CDH20: variants seen among roughly 807,000 people sequenced by gnomAD.
CDH20 encodes cadherin-20.
Under a neutral mutation model 74.2 loss-of-function variants are expected in CDH20, and 29 were observed. That is an observed-to-expected ratio of 0.39 (90% CI 0.29 to 0.53). CDH20 has a LOEUF of 0.53. Among genes scored for constraint, CDH20 ranks in the 20% least tolerant of loss-of-function variants. The pLI, the probability that CDH20 is intolerant of heterozygous loss-of-function variation, is 0.69. For synonymous variants in CDH20, 469 were observed against 405.4 expected (o/e 1.16, Z -1.88); for missense variants, 988 against 1,048.3 (o/e 0.94, Z 0.79).
chr18:61,370,197 T>A (rs1910988889), intron 1 of CDH20, among the ~76,000 whole-genome samples: 2 of 152,164 alleles, frequency 1.3e-5, no homozygotes, highest in South Asian at 4.1e-4. Context: ...TCCATGTGAT[T>A]TTCTTAGTAA....
At chr18:61,483,033 T>C (rs1910640878) in intron 1 of CDH20, among the ~76,000 whole-genome samples, 1 of 152,200 alleles carries the variant, frequency 6.6e-6, no homozygotes, top group South Asian at 2.1e-4. Flanking sequence ...GGTATCTGCG[T>C]TTTCTTTAAC....
chr18:61,377,165 G>C (rs1322901158), intron 1 of CDH20, among the ~76,000 whole-genome samples: 3 of 152,100 alleles, frequency 2.0e-5, no homozygotes, highest in African/African-American at 7.2e-5. Flanking sequence ...AGTGAGAAAA[G>C]TAAGTCTGAA....
At chr18:61,346,530 C>T (rs192054125) in intron 1 of CDH20, among the ~76,000 whole-genome samples, 1 of 151,988 alleles carries the variant, frequency 6.6e-6, no homozygotes, top group Non-Finnish European at 1.5e-5. Context: ...ATAGCTCTGA[C>T]AAGTATTCTT....
chr18:61,365,534 A>G (rs1247909858), intron 1 of CDH20, among the ~76,000 whole-genome samples: 3 of 152,216 alleles, frequency 2.0e-5, no homozygotes, highest in Non-Finnish European at 4.4e-5. Context: ...CTGAGTAAAA[A>G]TAGGAGTTTT....
chr18:61,536,418 C>T, intron 7 of CDH20, 75 bp from the exon 8 acceptor site: 4 of 1,183,446 alleles, frequency 3.4e-6, no homozygotes, highest in Non-Finnish European at 4.9e-6. Context: ...ATGGTAGGCA[C>T]TCAGTTGTCT....
At position 61,507,648 on chromosome 18, in the gene CDH20, C is replaced by T. The variant is rs142600848; in HGVS notation, c.1017+88C>T. 1,500 of 868,676 alleles carry T rather than the reference C, an allele frequency of 1.7e-3. 5 individuals carry two copies. The highest frequency in any genetic ancestry group is 2.2e-3 in the Admixed American group (73 of 33,952). The allele number at this position is 868,676 out of a possible 1,614,324, so 53.8% of individuals were successfully genotyped here. ...TAAGGACTGTTGTATTATTGATATG[C>T]ATTGCTTCAAATCATCTGATAAAAG... is the stretch of plus-strand genomic sequence containing the variant. On this transcript the variant is annotated intron_variant, in intron 6 of 11. Transcript: ENST00000262717.
In CDH20 at chr18:61,424,798, C is replaced by T. The variant is rs1313150828; in HGVS notation, c.-152-65604C>T. On this transcript the variant is annotated intron_variant, in intron 1 of 11. Transcript: ENST00000262717. ...TTAACTCATGTATTTCTTCTTCTTC[C>T]TTCATATTTTTGTTTTCTAACAATA... Among the ~76,000 whole-genome samples, 4 of 152,226 alleles carry T rather than the reference C, an allele frequency of 2.6e-5. No individual in the cohort carries two copies. In the East Asian group the frequency reaches 5.8e-4, roughly 22 times the overall value.
chr18:61,542,802 G>C (rs1913087298), intron 9 of CDH20, among the ~76,000 whole-genome samples: 1 of 152,202 alleles, frequency 6.6e-6, no homozygotes, highest in South Asian at 2.1e-4. Flanking sequence ...GCCAACATGT[G>C]CAGATCACAT....
intron 1 of CDH20, among the ~76,000 whole-genome samples, chr18:61,394,437 C>T (rs1192508371): frequency 6.6e-6 from 1 of 152,108 alleles, no homozygotes; most frequent in African/African-American, 2.4e-5. Context: ...TGCACAGACA[C>T]ACACACAGGA....
chr18:61,348,957 G>A (rs756596470), intron 1 of CDH20, among the ~76,000 whole-genome samples: 2 of 152,148 alleles, frequency 1.3e-5, no homozygotes, highest in African/African-American at 4.8e-5. Flanking sequence ...GCTAGATTTT[G>A]TTTTTACTTA....
chr18:61,425,738 T>C lies in CDH20; in HGVS notation c.-152-64664T>C, dbSNP rs188335893. Among the ~76,000 whole-genome samples the C allele has an allele frequency of 7.9e-4, 121 of 152,220 alleles. 1 individual carries two copies. The highest frequency in any genetic ancestry group is 3.5e-4 in the Non-Finnish European group (24 of 68,026). ...GGGGTGAGTGATAAAACATTACACA[T>C]TGGGTACAGCATATACTGCTCAGAT... is the stretch of plus-strand genomic sequence containing the variant. On this transcript the variant is annotated intron_variant, in intron 1 of 11. Coordinates refer to ENST00000262717, the MANE Select transcript of CDH20 (RefSeq NM_031891.4).
chr18:61,361,765 T>C (rs1910701311), intron 1 of CDH20, among the ~76,000 whole-genome samples: 1 of 152,182 alleles, frequency 6.6e-6, no homozygotes, highest in East Asian at 1.9e-4. Context: ...TCATTTTGTT[T>C]TTCTAGCAAG....
At chr18:61,548,106 A>C (rs550326067) in intron 10 of CDH20, among the ~76,000 whole-genome samples, 17 of 152,258 alleles carry the variant, frequency 1.1e-4, no homozygotes, top group Non-Finnish European at 1.9e-4. Context: ...TTAGCTATTA[A>C]GTCTGGAACA....
At chr18:61,472,958 T>A (rs972583955) in intron 1 of CDH20, among the ~76,000 whole-genome samples, 1 of 152,236 alleles carries the variant, frequency 6.6e-6, no homozygotes, top group African/African-American at 2.4e-5. Context: ...TACACAGCAC[T>A]AGTTTCCACC....
intron 1 of CDH20, among the ~76,000 whole-genome samples, chr18:61,403,675 C>G (rs1343735042): frequency 6.6e-6 from 1 of 152,134 alleles, no homozygotes; most frequent in African/African-American, 2.4e-5. Flanking sequence ...AGAAGTGAAC[C>G]ACTGGGCAAT....
At chr18:61,512,436 T>A (rs73453560) in intron 6 of CDH20, among the ~76,000 whole-genome samples, 2,356 of 152,306 alleles carry the variant, frequency 0.015, 74 homozygotes, top group African/African-American at 0.054. Context: ...TGTCATGAAT[T>A]ATAAATCTCA....
chr18:61,461,950 A>G (rs62098123), intron 1 of CDH20, among the ~76,000 whole-genome samples: 14,274 of 152,232 alleles, frequency 0.094, 741 homozygotes, highest in Middle Eastern at 0.18. Context: ...TTGCACTCCT[A>G]TGCAAACGAA....
intron 1 of CDH20, among the ~76,000 whole-genome samples, chr18:61,396,025 C>T (rs1473640048): frequency 7.3e-6 from 1 of 137,114 alleles, no homozygotes; most frequent in Non-Finnish European, 1.6e-5. Context: ...TAGTATCTCT[C>T]CTGTGCACTC....
Position 61,554,933 on chromosome 18 carries a change from T to C in CDH20, c.*238T>C. 3 of 1,365,384 alleles carry C rather than the reference T, an allele frequency of 2.2e-6. No individual in the cohort carries two copies. The highest frequency in any genetic ancestry group is 4.1e-5 in the South Asian group (2 of 48,918). 84.6% of individuals were successfully genotyped at this position (1,365,384 alleles called of 1,614,324 possible). The stretch of plus-strand genomic sequence containing the variant: ...TTACCTTTTTTTCTTTTCTTTTTGA[T>C]TTTTCTGACACTGTGTGCGAAGGCT... On this transcript the variant is annotated 3_prime_UTR_variant, in exon 12 of 12. Coordinates refer to ENST00000262717, the MANE Select transcript of CDH20 (RefSeq NM_031891.4).
Sources: gnomAD v4.1 joint callset for allele counts (sites outside exome capture counted in the v4.1 genomes callset) on GRCh38, gnomAD v4.1.1 for gene constraint, MANE v1.5 for transcripts, NCBI Gene and HGNC (gene_info 2026-07-23, HGNC 2026-07-21) for gene names.